Variants in ARHGEF18 observed in about 807,000 individuals in gnomAD.
The protein encoded by ARHGEF18 is rho guanine nucleotide exchange factor 18.
In ARHGEF18, 93 loss-of-function variants were observed where a neutral mutation model predicts 155.7. The observed-to-expected ratio is 0.60, with a 90% CI of 0.50 to 0.71. The LOEUF (loss-of-function observed/expected upper bound fraction) is 0.71, where lower values mean the gene tolerates loss of function less well. Among genes scored for constraint, ARHGEF18 ranks in the 30% least tolerant of loss-of-function variants. The pLI is 0.00. For synonymous variants in ARHGEF18, 742 were observed against 753.1 expected, an observed-to-expected ratio of 0.99 and a Z score of 0.24; for missense variants, 1,593 against 1,816.1, an observed-to-expected ratio of 0.88 and a Z score of 2.23.
intron 23 of ARHGEF18, among the ~76,000 whole-genome samples, chr19:7,465,532 C>T (rs1241321109): frequency 6.6e-6 from 1 of 152,002 alleles, no homozygotes; most frequent in Non-Finnish European, 1.5e-5. Flanking sequence ...CTCAGCCTCC[C>T]AAGTAGCTGA....
At chr19:7,353,624 AG>A (rs1969209412) in intron 1 of ARHGEF18, among the ~76,000 whole-genome samples, 1 of 151,794 alleles carries the variant, frequency 6.6e-6, no homozygotes, top group African/African-American at 2.4e-5. Context: ...GAAAAGAAAA[AG>A]AAAAAGAAAT....
intron 10 of ARHGEF18, among the ~76,000 whole-genome samples, chr19:7,427,217 C>T (rs1291059435): frequency 6.6e-6 from 1 of 152,206 alleles, no homozygotes; most frequent in African/African-American, 2.4e-5. Context: ...AGAAATGAGT[C>T]TCACTGAGGT....
chr19:7,372,750 C>A, intron 2 of ARHGEF18, 62 bp from the exon 3 acceptor site: 1 of 1,231,170 alleles, frequency 8.1e-7, no homozygotes, highest in East Asian at 3.2e-5. Context: ...GTCAAGAGAC[C>A]CCAGGTTCTG....
rs1243105844 is a variant in ARHGEF18 at position 7,395,118 on chromosome 19, G to A, written c.967+11915G>A. ...ATCGCGCATGCGCTGCTCTCCTCGC[G>A]CGGCTTCCCGCTTCCGGCTCCCAGC... On this transcript the variant is annotated intron_variant, in intron 10 of 28. Coordinates refer to ENST00000668164, the MANE Select transcript of ARHGEF18 (RefSeq NM_001367823.1). The surrounding 1 kb of genome is among the most constrained non-coding windows in gnomAD (Gnocchi z 5.0). 2.0e-6 allele frequency: 2 copies of A among 985,398 alleles called. No homozygotes were observed. The highest frequency in any genetic ancestry group is 2.4e-6 in the Non-Finnish European group (2 of 829,998). The allele number at this position is 985,398 out of a possible 1,614,324, so 61.0% of individuals were successfully genotyped here.
At position 7,460,596 on chromosome 19, in the gene ARHGEF18, G is replaced by A. The variant is rs898868557; in HGVS notation, c.2452+602G>A. 1.3e-4 allele frequency among the ~76,000 whole-genome samples: 20 copies of A among 149,588 alleles called. 1 individual carries two copies. Among genetic ancestry groups the A allele is most frequent in the Admixed American group, 1.1e-3 (16 of 14,878 alleles). ...CAACAGGAATCTACTTCCTGTCCCTGTAGATTGGCCTGCCCTGGACATTCC... is the reference window on the plus strand; with the variant it reads ...CAACAGGAATCTACTTCCTGTCCCTATAGATTGGCCTGCCCTGGACATTCC... On this transcript the variant is annotated intron_variant, in intron 20 of 28. Coordinates refer to ENST00000668164, the MANE Select transcript of ARHGEF18 (RefSeq NM_001367823.1).
At chr19:7,458,145 G>A (rs918496620) in intron 18 of ARHGEF18, among the ~76,000 whole-genome samples, 1 of 151,468 alleles carries the variant, frequency 6.6e-6, no homozygotes, top group Non-Finnish European at 1.5e-5. Flanking sequence ...AAATTAGCTG[G>A]GCCTGGCGGC....
In ARHGEF18 at chr19:7,440,177, C is replaced by T; in HGVS notation, c.968-167C>T. On this transcript the variant is annotated intron_variant, in intron 10 of 28. Transcript: ENST00000668164. The surrounding 1 kb of genome is among the most constrained non-coding windows in gnomAD (Gnocchi z 5.4). ...GCCGCCCCGAGCTGTCTTTTTACGG[C>T]TCTTTCCCCAGGAAATGGAGCGAGA... 2 of 1,551,540 alleles carry T rather than the reference C, an allele frequency of 1.3e-6. No individual in the cohort carries two copies. Among genetic ancestry groups the T allele is most frequent in the Non-Finnish European group, 1.7e-6 (2 of 1,146,972 alleles).
At chr19:7,377,909 A>AC (rs1325310724) in intron 5 of ARHGEF18, among the ~76,000 whole-genome samples, 2 of 151,910 alleles carry the variant, frequency 1.3e-5, no homozygotes, top group Non-Finnish European at 2.9e-5. Flanking sequence ...ACATGGTGAA[A>AC]CCCCGTCTCT....
In ARHGEF18 at chr19:7,395,531, CAGGAG is replaced by C. The variant is rs3997578; in HGVS notation, c.967+12339_967+12343del. ...TGGGGTGCTACGGCTTACTCTCCTC[CAGGAG>C]AGGAGAGGAGGGGTCACTTGGGCCC... On this transcript the variant is annotated intron_variant, in intron 10 of 28. Transcript: ENST00000668164. This position sits in a 1 kb window ranked among gnomAD's most constrained non-coding sequence, Gnocchi z 5.0. 6.6e-6 allele frequency among the ~76,000 whole-genome samples: 1 copy of C among 152,122 alleles called. No homozygotes were observed. Among genetic ancestry groups the C allele is most frequent in the African/African-American group, 2.4e-5 (1 of 41,444 alleles).
intron 10 of ARHGEF18, among the ~76,000 whole-genome samples, chr19:7,396,981 A>G (rs1018469089): frequency 6.6e-6 from 1 of 151,374 alleles, no homozygotes. Context: ...TTAGGTTAAC[A>G]TTCCAAATTA....
Position 7,440,063 on chromosome 19 carries a change from G to A in ARHGEF18, c.968-281G>A. ...CGAGGCATAAAAACGGCGCAGCCCAGCCTGGCGCCGCGCCGGGTCCCGGAG... is the reference window on the plus strand; with the variant it reads ...CGAGGCATAAAAACGGCGCAGCCCAACCTGGCGCCGCGCCGGGTCCCGGAG... On this transcript the variant is annotated intron_variant, in intron 10 of 28. Transcript: ENST00000668164. This position sits in a 1 kb window ranked among gnomAD's most constrained non-coding sequence, Gnocchi z 5.4. 1.9e-6 allele frequency: 3 copies of A among 1,550,554 alleles called. No homozygotes were observed. Among genetic ancestry groups the A allele is most frequent in the Non-Finnish European group, 2.6e-6 (3 of 1,146,636 alleles).
downstream of ARHGEF18, among the ~76,000 whole-genome samples, chr19:7,473,849 G>A (rs1302940284): frequency 6.6e-6 from 1 of 151,066 alleles, no homozygotes; most frequent in Non-Finnish European, 1.5e-5. Flanking sequence ...CAGGTATGGT[G>A]GCGTGCACCT....
intron 10 of ARHGEF18, among the ~76,000 whole-genome samples, chr19:7,426,953 T>G (rs1973702817): frequency 6.6e-6 from 1 of 152,214 alleles, no homozygotes; most frequent in Non-Finnish European, 1.5e-5. Flanking sequence ...CTACAGAGCC[T>G]TCTGAGTCTC....
rs60015151 is a variant in ARHGEF18 at position 7,393,047 on chromosome 19, CAAAAAAAAAAAA to C, written c.967+9858_967+9869del. On this transcript the variant is annotated intron_variant, in intron 10 of 28. Transcript: ENST00000668164. ...TAAGTGACAGAGTGAGATCCTGTCT[CAAAAAAAAAAAA>C]AAAAAAAAAAAAAGGAAAAAAAATA... 8.3e-3 allele frequency among the ~76,000 whole-genome samples: 473 copies of C among 56,708 alleles called. 2 individuals are homozygous for C. The highest frequency in any genetic ancestry group is 0.028 in the African/African-American group (442 of 16,048). The allele number at this position is 56,708 out of a possible 152,430, so 37.2% of individuals were successfully genotyped here. A position where few individuals can be genotyped will look rare whatever the true frequency, so the allele number is the denominator to read the frequency against.
chr19:7,437,415 T>A, intron 10 of ARHGEF18, among the ~76,000 whole-genome samples: 1 of 114,448 alleles, frequency 8.7e-6, no homozygotes, highest in African/African-American at 3.6e-5. Flanking sequence ...AAAGCGGAAA[T>A]CCGTCTCAAA....
intron 10 of ARHGEF18, among the ~76,000 whole-genome samples, chr19:7,439,286 C>CCCT (rs1974475936): frequency 6.6e-6 from 1 of 150,786 alleles, no homozygotes; most frequent in African/African-American, 2.5e-5. Flanking sequence ...TGAGACCCCC[C>CCCT]CCCAACCTCT....
At chr19:7,441,837 T>A in intron 12 of ARHGEF18, 72 bp downstream of exon 12, 1 of 1,612,338 alleles carries the variant, frequency 6.2e-7, no homozygotes, top group Non-Finnish European at 8.5e-7. Flanking sequence ...GGGGCTCGTG[T>A]CAGCATGTCT....
intron 1 of ARHGEF18, among the ~76,000 whole-genome samples, chr19:7,352,854 T>TTTTTTG (rs1969193223): frequency 7.6e-6 from 1 of 130,978 alleles, no homozygotes; most frequent in African/African-American, 3.1e-5. Context: ...TTTTTTTTTT[T>TTTTTTG]GACATAGACT....
chr19:7,419,440 C>T (rs1481622433), intron 10 of ARHGEF18, among the ~76,000 whole-genome samples: 2 of 151,796 alleles, frequency 1.3e-5, no homozygotes, highest in East Asian at 3.9e-4. Context: ...AGTCCCCCCA[C>T]ACCCCAGGTG....
Sources: gnomAD v4.1 joint callset for allele counts (sites outside exome capture counted in the v4.1 genomes callset) on GRCh38, gnomAD v4.1.1 for gene constraint, Gnocchi (gnomAD v3.1) non-coding constraint, MANE v1.5 for transcripts, NCBI Gene and HGNC (gene_info 2026-07-23, HGNC 2026-07-21) for gene names.